Variants in STAU2 observed in about 807,000 individuals in gnomAD.
STAU2 encodes double-stranded RNA-binding protein Staufen homolog 2.
Under a neutral mutation model 65.9 loss-of-function variants are expected in STAU2, and 20 were observed. The ratio of observed to expected loss-of-function variants is 0.30; its 90% CI spans 0.21 to 0.44. The LOEUF (loss-of-function observed/expected upper bound fraction) is 0.44, where lower values mean the gene tolerates loss of function less well. STAU2 is among the 20% of genes least tolerant of loss of function. The probability of loss-of-function intolerance (pLI) is 1.00; values close to 1 mark genes in which losing one functional copy is unlikely to be tolerated. For missense variants in STAU2, 558 were observed against 683.9 expected, an observed-to-expected ratio of 0.82 and a Z score of 2.05; for synonymous variants, 232 against 233.9, an observed-to-expected ratio of 0.99 and a Z score of 0.07.
intron 1 of STAU2, among the ~76,000 whole-genome samples, chr8:73,744,987 C>T (rs543573188): frequency 1.3e-5 from 2 of 152,272 alleles, no homozygotes; most frequent in Non-Finnish European, 2.9e-5. Flanking sequence ...AACATTCTTA[C>T]AAATACAAAA....
chr8:73,708,519 G>C (rs959968065), intron 4 of STAU2, among the ~76,000 whole-genome samples: 1 of 152,102 alleles, frequency 6.6e-6, no homozygotes, highest in African/African-American at 2.4e-5. Flanking sequence ...AGTGAATGCA[G>C]AGATAATAAG....
chr8:73,518,698 T>A (rs1448202454), intron 13 of STAU2, among the ~76,000 whole-genome samples: 1 of 152,224 alleles, frequency 6.6e-6, no homozygotes, highest in Non-Finnish European at 1.5e-5. Context: ...ACTCTTGTTT[T>A]CGTCCACAGT....
At chr8:73,555,227 A>G (rs1289465238) in intron 12 of STAU2, among the ~76,000 whole-genome samples, 2 of 152,230 alleles carry the variant, frequency 1.3e-5, no homozygotes, top group Admixed American at 6.5e-5. Context: ...AGGAGAATAC[A>G]GTCCAGGAGG....
At chr8:73,627,982 T>C (rs535952097) in intron 6 of STAU2, among the ~76,000 whole-genome samples, 1 of 152,284 alleles carries the variant, frequency 6.6e-6, no homozygotes, top group East Asian at 1.9e-4. Flanking sequence ...TCATGAAATA[T>C]AGCATATCTG....
intron 12 of STAU2, chr8:73,561,314 T>C (rs1808211250): frequency 3.1e-6 from 1 of 321,274 alleles, no homozygotes; most frequent in Non-Finnish European, 6.1e-6. Flanking sequence ...TTAGAAGAAA[T>C]TTTTTTCAAG....
intron 13 of STAU2, among the ~76,000 whole-genome samples, chr8:73,429,677 C>G (rs1585729763): frequency 1.3e-5 from 2 of 151,816 alleles, no homozygotes; most frequent in South Asian, 4.2e-4. Flanking sequence ...GCTCAAGCAA[C>G]CCTCCCGCCT....
chr8:73,556,979 C>G (rs1807833855), intron 12 of STAU2, among the ~76,000 whole-genome samples: 1 of 152,022 alleles, frequency 6.6e-6, no homozygotes, highest in African/African-American at 2.4e-5. Context: ...TGTCATATTA[C>G]TGATTTTTGT....
chr8:73,694,792 T>C (rs1307745141), intron 4 of STAU2, among the ~76,000 whole-genome samples: 2 of 151,922 alleles, frequency 1.3e-5, no homozygotes, highest in African/African-American at 4.8e-5. Flanking sequence ...TCTGTACACT[T>C]TGAGGGAGGA....
chr8:73,692,774 T>C (rs974316994), intron 4 of STAU2, among the ~76,000 whole-genome samples: 9 of 152,166 alleles, frequency 5.9e-5, no homozygotes, highest in African/African-American at 1.9e-4. Flanking sequence ...AGTGTCAGAA[T>C]TTAGTTAAAT....
At chr8:73,460,257 T>TG (rs778256745) in intron 13 of STAU2, among the ~76,000 whole-genome samples, 3 of 151,860 alleles carry the variant, frequency 2.0e-5, no homozygotes, top group Non-Finnish European at 2.9e-5. Context: ...TAGAAGAAAA[T>TG]GGGGGCAGGA....
chr8:73,736,872 C>T (rs1341269652), intron 3 of STAU2, among the ~76,000 whole-genome samples: 1 of 152,042 alleles, frequency 6.6e-6, no homozygotes, highest in Non-Finnish European at 1.5e-5. Context: ...GTCAAGATTA[C>T]TTTCTTTTTT....
chr8:73,584,170 A>T (rs1810200008), intron 11 of STAU2, among the ~76,000 whole-genome samples: 1 of 152,198 alleles, frequency 6.6e-6, no homozygotes, highest in South Asian at 2.1e-4. Context: ...AGAAACAACC[A>T]GCAGCTTCAT....
intron 12 of STAU2, among the ~76,000 whole-genome samples, chr8:73,559,048 A>G (rs559168101): frequency 6.0e-4 from 91 of 152,328 alleles, no homozygotes; most frequent in Non-Finnish European, 1.0e-3. Flanking sequence ...ATCTGTCTCT[A>G]GTGATTTTTA....
chr8:73,597,840 A>T (rs554618504), intron 10 of STAU2, among the ~76,000 whole-genome samples: 3 of 152,292 alleles, frequency 2.0e-5, no homozygotes, highest in South Asian at 2.1e-4. Context: ...AACCATAATT[A>T]AAAACTTCGC....
At chr8:73,554,841 T>A (rs918423458) in intron 12 of STAU2, among the ~76,000 whole-genome samples, 6 of 152,218 alleles carry the variant, frequency 3.9e-5, no homozygotes, top group Non-Finnish European at 8.8e-5. Flanking sequence ...TGGCTCCTAC[T>A]TATCGCTCTA....
At chr8:73,531,845 G>A (rs1172695544) in intron 13 of STAU2, among the ~76,000 whole-genome samples, 4 of 152,156 alleles carry the variant, frequency 2.6e-5, no homozygotes, top group African/African-American at 7.2e-5. Flanking sequence ...AAAGCAGTGC[G>A]TTTCTACAAA....
intron 6 of STAU2, among the ~76,000 whole-genome samples, chr8:73,667,245 T>C (rs1817302956): frequency 6.6e-6 from 1 of 152,150 alleles, no homozygotes; most frequent in African/African-American, 2.4e-5. Context: ...CTTCAAGTTT[T>C]AGGAATATTG....
rs149128480 is a variant in STAU2, at chr8:73,564,909, C to T, written c.1223-12590G>A. 3.9e-4 allele frequency among the ~76,000 whole-genome samples: 59 copies of T among 151,388 alleles called. 1 individual carries two copies. The highest frequency in any genetic ancestry group is 6.9e-3 in the Middle Eastern group (2 of 290). ...GTCTAAGTTGTCCCAGTATGGGTGT[C>T]GTGTGTGTGTGTGTGCGCACACGCG... On this transcript the variant is annotated intron_variant, in intron 12 of 14. Transcript: ENST00000524300.
intron 13 of STAU2, among the ~76,000 whole-genome samples, chr8:73,519,582 C>A (rs755267026): frequency 2.0e-5 from 3 of 152,172 alleles, no homozygotes; most frequent in East Asian, 3.9e-4. Flanking sequence ...GTGAATACAC[C>A]AAGATCAAGC....
Sources: gnomAD v4.1 joint callset for allele counts (sites outside exome capture counted in the v4.1 genomes callset) on GRCh38, gnomAD v4.1.1 for gene constraint, MANE v1.5 for transcripts, NCBI Gene and HGNC (gene_info 2026-07-23, HGNC 2026-07-21) for gene names.